The following OPHN1 variants were observed in gnomAD, a reference collection of about 807,000 sequenced individuals.
OPHN1 encodes oligophrenin 1.
A neutral mutation model predicts 60.7 loss-of-function variants in OPHN1; 11 were observed. The observed-to-expected ratio is 0.18, with a 90% CI of 0.11 to 0.30. The LOEUF (loss-of-function observed/expected upper bound fraction) is 0.30, where lower values mean the gene tolerates loss of function less well. OPHN1 is among the 10% of genes least tolerant of loss of function. The pLI is 1.00. For synonymous variants in OPHN1, 226 were observed against 222.6 expected, an observed-to-expected ratio of 1.02 and a Z score of -0.14; for missense variants, 449 against 611.0, an observed-to-expected ratio of 0.73 and a Z score of 2.80.
At chrX:68,155,325 G>A (rs1199708976) in intron 15 of OPHN1, among the ~76,000 whole-genome samples, 1 of 111,588 alleles carries the variant, frequency 9.0e-6, no homozygotes, top group Non-Finnish European at 1.9e-5. Flanking sequence ...TACCTGATAT[G>A]ATTAGCCTTT....
chrX:68,058,196 C>T (rs2076880343), intron 21 of OPHN1, among the ~76,000 whole-genome samples: 1 of 109,841 alleles, frequency 9.1e-6, no homozygotes, highest in Admixed American at 9.8e-5. Flanking sequence ...TCTCTGAAAC[C>T]TAAATTGAAC....
chrX:68,428,691 G>T (rs2078871380), intron 2 of OPHN1, among the ~76,000 whole-genome samples: 1 of 112,166 alleles, frequency 8.9e-6, no homozygotes, highest in Non-Finnish European at 1.9e-5. Context: ...TGTGATATGA[G>T]CAGGGGCCAC....
At position 68,146,666 on chromosome X, in the gene OPHN1, C is replaced by G. The variant is rs140856785; in HGVS notation, c.1277-27334G>C. ...GCCTAGGAAAGCTTCTTGAAACTTT[C>G]CATAAAAGGGCCTTGATATTGAGAG... On this transcript the variant is annotated intron_variant, in intron 15 of 24. Coordinates refer to ENST00000355520, the MANE Select transcript of OPHN1 (RefSeq NM_002547.3). Among the ~76,000 whole-genome samples the G allele has an allele frequency of 1.0e-2, 1,124 of 112,493 alleles. 6 individuals carry two copies. Among genetic ancestry groups the G allele is most frequent in the Middle Eastern group, 0.018 (4 of 218 alleles).
At chrX:68,403,186 G>A (rs953704959) in intron 2 of OPHN1, among the ~76,000 whole-genome samples, 6 of 112,281 alleles carry the variant, frequency 5.3e-5, no homozygotes, top group African/African-American at 1.9e-4. Context: ...GCTGCCAAAT[G>A]TTTCAAGTCT....
intron 5 of OPHN1, among the ~76,000 whole-genome samples, chrX:68,236,441 A>G (rs2077753334): frequency 8.9e-6 from 1 of 112,325 alleles, no homozygotes; most frequent in South Asian, 3.7e-4. Context: ...AAAGTGTACA[A>G]TTCAGTGGTT....
rs767031062 is a variant in OPHN1, at chrX:68,259,053, GTA to G, written c.384+15683_384+15684del. Among the ~76,000 whole-genome samples, 519 of 111,866 alleles carry G rather than the reference GTA, an allele frequency of 4.6e-3. 6 individuals are homozygous for G. Among genetic ancestry groups the G allele is most frequent in the African/African-American group, 0.016 (500 of 30,774 alleles). On this transcript the variant is annotated intron_variant, in intron 5 of 24. Coordinates refer to ENST00000355520, the MANE Select transcript of OPHN1 (RefSeq NM_002547.3). ...TACAACATAGAAATTCTATTTCTAA[GTA>G]TATACCCAGGAGAAGAGTTGAAATA...
intron 15 of OPHN1, among the ~76,000 whole-genome samples, chrX:68,161,364 C>T (rs1021019535): frequency 9.0e-6 from 1 of 110,651 alleles, no homozygotes; most frequent in Non-Finnish European, 1.9e-5. Flanking sequence ...GCCGATATTA[C>T]CCTAATACCA....
chrX:68,058,259 A>AACACAC (rs745625536), intron 21 of OPHN1, among the ~76,000 whole-genome samples: 2,512 of 101,963 alleles, frequency 0.025, 81 homozygotes, highest in African/African-American at 0.086. Context: ...CCTACACTCT[A>AACACAC]ACACACACAC....
chrX:68,189,496 C>T (rs930572829), intron 15 of OPHN1, among the ~76,000 whole-genome samples: 1 of 105,975 alleles, frequency 9.4e-6, no homozygotes, highest in African/African-American at 3.5e-5. Flanking sequence ...CTAATGCTAT[C>T]CCTCCCACCT....
At chrX:68,392,820 A>G (rs952289809) in intron 2 of OPHN1, among the ~76,000 whole-genome samples, 1 of 108,979 alleles carries the variant, frequency 9.2e-6, no homozygotes, top group Non-Finnish European at 1.9e-5. Context: ...GCCAAACTCC[A>G]GGGGAAGATC....
At chrX:68,078,566 A>G (rs940021019) in intron 19 of OPHN1, among the ~76,000 whole-genome samples, 1 of 111,718 alleles carries the variant, frequency 9.0e-6, no homozygotes, top group African/African-American at 3.3e-5. Flanking sequence ...AACGCATCAT[A>G]TATTATTTCC....
In OPHN1 at chrX:68,251,535, A is replaced by G. The variant is rs755971663; in HGVS notation, c.385-16947T>C. ...AAAGCAATGAAGATTGAGGAATGGA[A>G]AAAGAACTCAAAGTTCCAGTCTTTA... On this transcript the variant is annotated intron_variant, in intron 5 of 24. Transcript: ENST00000355520. Among the ~76,000 whole-genome samples, 4 of 111,558 alleles carry G rather than the reference A, an allele frequency of 3.6e-5. No individual in the cohort carries two copies. The South Asian group carries it at 1.5e-3, about 42-fold the overall frequency.
chrX:68,380,805 T>C (rs1177844683), intron 2 of OPHN1, among the ~76,000 whole-genome samples: 1 of 111,814 alleles, frequency 8.9e-6, no homozygotes, highest in Non-Finnish European at 1.9e-5. Context: ...CAGTTTGTTA[T>C]AATTTCTGTT....
intron 15 of OPHN1, among the ~76,000 whole-genome samples, chrX:68,175,103 C>T (rs1290998418): frequency 9.1e-6 from 1 of 109,346 alleles, no homozygotes; most frequent in African/African-American, 3.3e-5. Flanking sequence ...GAAAAAAAAT[C>T]CCCCAAAACC....
chrX:68,333,370 C>T (rs1318268197), intron 2 of OPHN1, among the ~76,000 whole-genome samples: 2 of 110,434 alleles, frequency 1.8e-5, no homozygotes, highest in Non-Finnish European at 3.8e-5. Flanking sequence ...GGCACGGTGG[C>T]TCACGCCTGT....
At chrX:68,315,991 CTAAA>C (rs1275961899) in intron 2 of OPHN1, among the ~76,000 whole-genome samples, 2 of 109,964 alleles carry the variant, frequency 1.8e-5, no homozygotes, top group African/African-American at 6.6e-5. Context: ...AATCTGGTCT[CTAAA>C]TAAATAACTA....
Position 68,433,282 on chromosome X carries a change from G to A in OPHN1, c.-119C>T. 2.7e-6 allele frequency: 1 copy of A among 374,386 alleles called. No homozygotes were observed. Among genetic ancestry groups the A allele is most frequent in the South Asian group, 6.3e-5 (1 of 15,790 alleles). 30.9% of individuals were successfully genotyped at this position (374,386 alleles called of 1,213,427 possible). On this transcript the variant is annotated 5_prime_UTR_variant, in exon 1 of 25. Transcript: ENST00000355520. ...TATCGCAGTCGGATCCCGGCAGGGTGCTGCCTAGCAAGCAGCATGTCCCTT... is the reference window on the plus strand; with the variant it reads ...TATCGCAGTCGGATCCCGGCAGGGTACTGCCTAGCAAGCAGCATGTCCCTT...
chrX:68,077,402 TA>T (rs1016758541), intron 19 of OPHN1, among the ~76,000 whole-genome samples: 68 of 110,794 alleles, frequency 6.1e-4, no homozygotes, highest in African/African-American at 1.8e-3. Context: ...CCATGTACCA[TA>T]AAAAAAATAA....
intron 18 of OPHN1, among the ~76,000 whole-genome samples, chrX:68,106,063 C>G (rs1183073155): frequency 9.7e-6 from 1 of 103,008 alleles, no homozygotes; most frequent in Admixed American, 1.1e-4. Flanking sequence ...CATGCACACA[C>G]ACACACAACG....
Sources: gnomAD v4.1 joint callset for allele counts (sites outside exome capture counted in the v4.1 genomes callset) on GRCh38, gnomAD v4.1.1 for gene constraint, MANE v1.5 for transcripts, NCBI Gene and HGNC (gene_info 2026-07-23, HGNC 2026-07-21) for gene names.